Variants in DMXL2 observed in about 807,000 individuals in gnomAD.
DMXL2 encodes Dmx like 2, also known as dmX-like protein 2.
A neutral mutation model predicts 331.1 loss-of-function variants in DMXL2; 103 were observed. The ratio of observed to expected loss-of-function variants is 0.31; its 90% CI spans 0.27 to 0.37. The LOEUF is 0.37. DMXL2 is among the 10% of genes least tolerant of loss of function. The pLI is 1.00. For missense variants in DMXL2, 3,171 were observed against 3,642.9 expected (o/e 0.87, Z 3.33); for synonymous variants, 1,281 against 1,252.1 (o/e 1.02, Z -0.49).
chr15:51,573,532 T>C (rs530193168), intron 2 of DMXL2, among the ~76,000 whole-genome samples: 22 of 152,208 alleles, frequency 1.4e-4, no homozygotes, highest in Admixed American at 4.6e-4. Context: ...AAGGATGAGT[T>C]CATGTCCTTT....
intron 1 of DMXL2, among the ~76,000 whole-genome samples, chr15:51,578,172 C>T (rs1567142655): frequency 6.6e-6 from 1 of 152,212 alleles, no homozygotes; most frequent in East Asian, 1.9e-4. Flanking sequence ...GATACTATCA[C>T]TGTATAAAGA....
chr15:51,508,762 C>T (rs2046570358), intron 15 of DMXL2, among the ~76,000 whole-genome samples: 1 of 152,170 alleles, frequency 6.6e-6, no homozygotes, highest in South Asian at 2.1e-4. Context: ...AGCACTTAAC[C>T]TTTCCAAAAA....
chr15:51,581,878 C>T (rs2051448281), intron 1 of DMXL2, among the ~76,000 whole-genome samples: 1 of 151,892 alleles, frequency 6.6e-6, no homozygotes, highest in Non-Finnish European at 1.5e-5. Flanking sequence ...GTCTAAACTT[C>T]AAAGACCAAA....
In DMXL2 at chr15:51,622,557, G is replaced by A; in HGVS notation, c.-12C>T. ...TGATGCAGATGCATCTCCGGAGCCC[G>A]GGCTGGACAGAATGCGCGGGAGGTG... On this transcript the variant is annotated 5_prime_UTR_variant, in exon 1 of 44. Coordinates refer to ENST00000560891, the MANE Select transcript of DMXL2 (RefSeq NM_001378457.1). The A allele has an allele frequency of 1.9e-6, 3 of 1,547,010 alleles. No individual in the cohort carries two copies. Among genetic ancestry groups the A allele is most frequent in the South Asian group, 1.2e-5 (1 of 83,948 alleles).
At chr15:51,513,669 G>A (rs1288249332) in intron 15 of DMXL2, among the ~76,000 whole-genome samples, 1 of 152,068 alleles carries the variant, frequency 6.6e-6, no homozygotes, top group African/African-American at 2.4e-5. Flanking sequence ...TGTCCATCTG[G>A]ATATTCACAA....
chr15:51,460,023 G>A, intron 33 of DMXL2: 1 of 981,750 alleles, frequency 1.0e-6, no homozygotes, highest in Non-Finnish European at 1.2e-6. Context: ...CTGCCCTATA[G>A]GGGTTGATTT....
chr15:51,450,945 ATCTTTCTG>A (rs976884985), intron 42 of DMXL2, among the ~76,000 whole-genome samples: 1 of 152,248 alleles, frequency 6.6e-6, no homozygotes, highest in East Asian at 1.9e-4. Flanking sequence ...AAGACTGAGA[ATCTTTCTG>A]TCTTTCTGAC....
At chr15:51,575,099 G>A (rs560544013) in intron 2 of DMXL2, among the ~76,000 whole-genome samples, 2 of 152,096 alleles carry the variant, frequency 1.3e-5, no homozygotes, top group African/African-American at 4.8e-5. Flanking sequence ...AGGAAATCGT[G>A]TTTCAATACT....
At chr15:51,510,842 G>C (rs1215024317) in intron 15 of DMXL2, among the ~76,000 whole-genome samples, 1 of 152,136 alleles carries the variant, frequency 6.6e-6, no homozygotes, top group Non-Finnish European at 1.5e-5. Context: ...TACCAAAACA[G>C]ATACATAGAA....
intron 24 of DMXL2, 85 bp from the exon 25 acceptor site, chr15:51,480,224 G>C: frequency 7.7e-7 from 1 of 1,295,380 alleles, no homozygotes; most frequent in Non-Finnish European, 1.1e-6. Flanking sequence ...GATAAACATT[G>C]TGTAAAGGGA....
Position 51,538,355 on chromosome 15 carries a change from T to C in DMXL2, c.1203A>G (p.Thr401=), listed in dbSNP as rs1430688713. 8 of 1,613,826 alleles carry C rather than the reference T, an allele frequency of 5.0e-6. No homozygotes were observed. Among genetic ancestry groups the C allele is most frequent in the Admixed American group, 1.7e-5 (1 of 60,004 alleles). ...GATGCATAAATACTTCTGTAGATGA[T>C]GTAAAATGAAATTCCTTGTTGTTTA... ...HWLNNKEFHF[T]SSTEVFMHQL... The change falls in exon 10 of 44, where the codon ACA becomes ACG. Residue 401 remains threonine (T), a synonymous_variant. Transcript: ENST00000560891.
chr15:51,611,128 A>G (rs1332131169), intron 1 of DMXL2, among the ~76,000 whole-genome samples: 1 of 152,072 alleles, frequency 6.6e-6, no homozygotes, highest in African/African-American at 2.4e-5. Context: ...AATTAAGAAA[A>G]ACATTAATAA....
Position 51,463,157 on chromosome 15 carries a change from T to G in DMXL2, c.7926+222A>C, listed in dbSNP as rs71472910. On this transcript the variant is annotated intron_variant, in intron 33 of 43. Coordinates refer to ENST00000560891, the MANE Select transcript of DMXL2 (RefSeq NM_001378457.1). ...GACAAATACTGTAAAGTACCAACTT[T>G]CACTTGAATATATGTAATTTATCAA... 7.2e-3 allele frequency: 2,499 copies of G among 349,386 alleles called. 23 individuals carry two copies. Among genetic ancestry groups the G allele is most frequent in the Non-Finnish European group, 0.01 (1,932 of 190,940 alleles). The allele number at this position is 349,386 out of a possible 1,614,324, so 21.6% of individuals were successfully genotyped here.
rs1433475329 is a variant in DMXL2 at position 51,474,495 on chromosome 15, T to G, written c.7062A>C (p.Leu2354Phe). 4 of 1,614,166 alleles carry G rather than the reference T, an allele frequency of 2.5e-6. No individual in the cohort carries two copies. The highest frequency in any genetic ancestry group is 3.4e-6 in the Non-Finnish European group (4 of 1,180,002). The change falls in exon 28 of 44, where the codon TTA becomes TTC. Residue 2354 changes from leucine (L) to phenylalanine (F), a missense_variant. Around this residue, in one of 7 missense-constraint regions of DMXL2, gnomAD observed 766 missense variants for 940.5 expected, o/e 0.81. Coordinates refer to ENST00000560891, the MANE Select transcript of DMXL2 (RefSeq NM_001378457.1). ...LLCEAVVAVY[L>F]SLLIHALATN... is the part of the protein sequence containing the mutation. The stretch of plus-strand genomic sequence containing the variant: ...TGGCAAGAGCATGTATCAATAAACT[T>G]AAGTAAACAGCAACAACAGCTTCAC...
intron 29 of DMXL2, among the ~76,000 whole-genome samples, chr15:51,468,415 C>T (rs1359928978): frequency 1.3e-5 from 2 of 151,910 alleles, no homozygotes; most frequent in African/African-American, 2.4e-5. Context: ...TCTGAGTCCC[C>T]ATGAGAAAAA....
chr15:51,536,165 C>A lies in DMXL2; in HGVS notation c.2314+1G>T. On this transcript the variant is annotated splice_donor_variant, in intron 12 of 43. Coordinates refer to ENST00000560891, the MANE Select transcript of DMXL2 (RefSeq NM_001378457.1). LOFTEE classifies it high-confidence loss of function. ...ATTTCACAATTACAATGAACACTTACCTAGACAGTAACTGGGAATGAGAGT... is the reference window on the plus strand; with the variant it reads ...ATTTCACAATTACAATGAACACTTAACTAGACAGTAACTGGGAATGAGAGT... 1.3e-6 allele frequency: 2 copies of A among 1,572,646 alleles called. No individual in the cohort carries two copies. Among genetic ancestry groups the A allele is most frequent in the Non-Finnish European group, 1.7e-6 (2 of 1,161,668 alleles).
At chr15:51,466,087 A>T in intron 30 of DMXL2, 97 bp downstream of exon 30, 1 of 1,033,594 alleles carries the variant, frequency 9.7e-7, no homozygotes, top group Non-Finnish European at 1.4e-6. Flanking sequence ...TCTTATATAA[A>T]TTCAGGATAA....
At chr15:51,515,780 T>C (rs1242845234) in intron 14 of DMXL2, among the ~76,000 whole-genome samples, 2 of 152,134 alleles carry the variant, frequency 1.3e-5, no homozygotes, top group Non-Finnish European at 2.9e-5. Flanking sequence ...TAATATCCCA[T>C]GGTAATGAGT....
chr15:51,581,747 T>G (rs953173803), intron 1 of DMXL2, among the ~76,000 whole-genome samples: 2 of 152,204 alleles, frequency 1.3e-5, no homozygotes, highest in African/African-American at 4.8e-5. Flanking sequence ...CCACATTTCC[T>G]ATGAAACTAT....
Sources: allele counts gnomAD v4.1 joint callset (sites outside exome capture counted in the v4.1 genomes callset), GRCh38; gene constraint gnomAD v4.1.1; regional missense constraint gnomAD v4.1.1; transcripts MANE v1.5; gene names NCBI Gene and HGNC (gene_info 2026-07-23, HGNC 2026-07-21).